Variants in PCNX3 observed in about 807,000 individuals in gnomAD.
The protein encoded by PCNX3 is pecanex-like protein 3.
Under a neutral mutation model 207.2 loss-of-function variants are expected in PCNX3, and 58 were observed. The ratio of observed to expected loss-of-function variants is 0.28; its 90% CI spans 0.23 to 0.35. The LOEUF (loss-of-function observed/expected upper bound fraction) is 0.35, where lower values mean the gene tolerates loss of function less well. Among genes scored for constraint, PCNX3 ranks in the 10% least tolerant of loss-of-function variants. The pLI is 1.00. For missense variants in PCNX3, 2,410 were observed against 2,774.4 expected, an observed-to-expected ratio of 0.87 and a Z score of 2.95; for synonymous variants, 1,337 against 1,183.5, an observed-to-expected ratio of 1.13 and a Z score of -2.66.
chr11:65,619,684 G>A (rs752962604), intron 7 of PCNX3, 24 bp downstream of exon 7: 9 of 1,582,900 alleles, frequency 5.7e-6, no homozygotes, highest in East Asian at 4.5e-5. Context: ...CAGCTGTGCC[G>A]AGGGGCACCG....
intron 15 of PCNX3, 96 bp downstream of exon 15, chr11:65,624,677 T>C (rs1023387625): frequency 8.5e-7 from 1 of 1,174,612 alleles, no homozygotes; most frequent in African/African-American, 1.5e-5. Flanking sequence ...CGGAACCTTC[T>C]CCTGCGTCTG....
Position 65,629,395 on chromosome 11 carries a change from C to G in PCNX3, c.3980C>G (p.Thr1327Arg). The G allele has an allele frequency of 6.2e-7, 1 of 1,612,236 alleles. No homozygotes were observed. The highest frequency in any genetic ancestry group is 1.1e-5 in the South Asian group (1 of 90,650). Reference sequence around the variant, plus strand: ...GATCATTCCAACACCCGCCTGGTCACACAGCTGGACAGGAACCCTGGTGTG... The same window carrying G: ...GATCATTCCAACACCCGCCTGGTCAGACAGCTGGACAGGAACCCTGGTGTG... The part of the protein sequence containing the change: ...RVDHSNTRLV[T>R]QLDRNPGADD... The change falls in exon 25 of 35, where the codon ACA (threonine) becomes AGA (arginine). Residue 1327 changes from threonine to arginine, a missense_variant. Physicochemically the swap from Thr to Arg is moderately conservative, Grantham distance 71. Coordinates refer to ENST00000355703, the MANE Select transcript of PCNX3 (RefSeq NM_032223.4).
chr11:65,618,703 C>G lies in PCNX3; in HGVS notation c.1341C>G (p.Ser447=), dbSNP rs974776542. The G allele has an allele frequency of 4.3e-6, 7 of 1,612,994 alleles. No individual in the cohort carries two copies. The East Asian group carries it at 1.3e-4, about 31-fold the overall frequency. The change falls in exon 6 of 35, where the codon TCC becomes TCG. Residue 447 remains serine (S), a synonymous_variant. Transcript: ENST00000355703. The part of the protein sequence containing the change: ...RSQRRYSTDS[S]SSTSCYSPES... ...AGCGCCGCTACAGTACTGACAGCTC[C>G]TCTTCTACTTCCTGCTACTCCCCTG...
intron 27 of PCNX3, among the ~76,000 whole-genome samples, chr11:65,633,577 G>C (rs1394484927): frequency 1.3e-5 from 2 of 152,232 alleles, no homozygotes; most frequent in Non-Finnish European, 2.9e-5. Context: ...ATGCTCCCGC[G>C]CTCGGGGTTA....
chr11:65,618,796 T>G lies in PCNX3; in HGVS notation c.1434T>G (p.Thr478=). 6.2e-7 allele frequency: 1 copy of G among 1,611,540 alleles called. No homozygotes were observed. The highest frequency in any genetic ancestry group is 8.5e-7 in the Non-Finnish European group (1 of 1,179,390). ...CCCCCCATGGGGCTGAGGAGGGAAC[T>G]GCTGTGCCCCCCAAGCGGCCATATG... ...RRAPHGAEEG[T]AVPPKRPYGT... The change falls in exon 6 of 35, where the codon ACT becomes ACG. Residue 478 remains threonine (T), a synonymous_variant. Transcript: ENST00000355703.
intron 26 of PCNX3, among the ~76,000 whole-genome samples, chr11:65,629,937 C>T (rs1233054690): frequency 6.6e-6 from 1 of 152,198 alleles, no homozygotes; most frequent in Non-Finnish European, 1.5e-5. Flanking sequence ...AAGCCCTGTG[C>T]CTGCCCCAAC....
rs769584609 is a variant in PCNX3, at chr11:65,636,580, G to C, written c.5783G>C (p.Ser1928Thr). ...CGGCCCCCTGGCCCGGGTCTCCTCAGTTCTGAGGGCCCCAGTGGAAAGTGG... is the reference window on the plus strand; with the variant it reads ...CGGCCCCCTGGCCCGGGTCTCCTCACTTCTGAGGGCCCCAGTGGAAAGTGG... ...TSRPPGPGLL[S>T]SEGPSGKWSL... is the part of the protein sequence containing the mutation. The change falls in exon 34 of 35, where the codon AGT becomes ACT. Residue 1928 changes from serine to threonine, a missense_variant. Ser to Thr is a moderately conservative substitution (Grantham distance 58). Coordinates refer to ENST00000355703, the MANE Select transcript of PCNX3 (RefSeq NM_032223.4). 1 of 1,595,580 alleles carries C rather than the reference G, an allele frequency of 6.3e-7. No homozygotes were observed. Among genetic ancestry groups the C allele is most frequent in the Non-Finnish European group, 8.5e-7 (1 of 1,172,948 alleles).
chr11:65,629,799 C>A, intron 26 of PCNX3, 64 bp downstream of exon 26: 1 of 1,504,930 alleles, frequency 6.6e-7, no homozygotes, highest in South Asian at 1.2e-5. Context: ...GAGCTGTGTT[C>A]AATAGCACGT....
rs569488128 is a variant in PCNX3 at position 65,635,286 on chromosome 11, G to A, written c.5022G>A (p.Glu1674=). The change falls in exon 31 of 35, where the codon GAG becomes GAA. Residue 1674 remains glutamate (E), a synonymous_variant. Coordinates refer to ENST00000355703, the MANE Select transcript of PCNX3 (RefSeq NM_032223.4). This position sits in a 1 kb window ranked among gnomAD's most constrained non-coding sequence, Gnocchi z 9.9. ...AALYDAIAAN[E]ERLVISHEGD... ...TATACGATGCCATTGCGGCCAACGAGGAGCGGCTGGTCATCTCACATGAGG... is the reference window on the plus strand; with the variant it reads ...TATACGATGCCATTGCGGCCAACGAAGAGCGGCTGGTCATCTCACATGAGG... 33 of 1,593,312 alleles carry A rather than the reference G, an allele frequency of 2.1e-5. No individual in the cohort carries two copies. In the African/African-American group the frequency reaches 4.0e-4, roughly 19 times the overall value.
chr11:65,619,333 T>G, intron 6 of PCNX3: 2 of 611,564 alleles, frequency 3.3e-6, no homozygotes, highest in Non-Finnish European at 4.1e-6. Flanking sequence ...CCACCACCAG[T>G]GGGGTGGGGC....
chr11:65,618,218 G>T lies in PCNX3; in HGVS notation c.856G>T (p.Gly286Cys), dbSNP rs1400026071. The T allele has an allele frequency of 6.2e-7, 1 of 1,602,794 alleles. No homozygotes were observed. The highest frequency in any genetic ancestry group is 8.5e-7 in the Non-Finnish European group (1 of 1,174,576). ...TGGCTATCAGCCCCTTGACCGGCGG[G>T]GCTCAGGGGAGCCCACGCCCCAGAA... ...AGGYQPLDRRGSGEPTPQKAG... is the reference protein window; with the variant it reads ...AGGYQPLDRRCSGEPTPQKAG... Residue 286 changes from glycine (G) to cysteine (C), a missense_variant, in exon 6 of 35, where the codon GGC becomes TGC. By Grantham distance (159) the Gly-to-Cys change is radical. Around this residue, in one of 8 missense-constraint regions of PCNX3, gnomAD observed 1,104 missense variants for 970.3 expected, o/e 1.14. Coordinates refer to ENST00000355703, the MANE Select transcript of PCNX3 (RefSeq NM_032223.4).
intron 29 of PCNX3, 99 bp downstream of exon 29, chr11:65,634,740 C>A: frequency 7.9e-7 from 1 of 1,268,128 alleles, no homozygotes; most frequent in Non-Finnish European, 1.1e-6. Context: ...ACAGAAACTG[C>A]AGTGGCCCTT....
At chr11:65,620,136 C>T (rs1264056409) in intron 8 of PCNX3, among the ~76,000 whole-genome samples, 1 of 152,250 alleles carries the variant, frequency 6.6e-6, no homozygotes, top group Non-Finnish European at 1.5e-5. Flanking sequence ...GCTTACAGTA[C>T]AGGGGAGATC....
chr11:65,618,132 C>T lies in PCNX3; in HGVS notation c.770C>T (p.Thr257Ile). ...CTGAGCAAGAGCTTCCTGACCCTGA[C>T]CCAGCCTGACCGGGCCCTGGTGAGG... ...QELSKSFLTL[T>I]QPDRALVRTS... Residue 257 changes from threonine to isoleucine, a missense_variant, in exon 6 of 35, where the codon ACC becomes ATC. Physicochemically the swap from Thr to Ile is moderately conservative, Grantham distance 89 (BLOSUM62 -1). Coordinates refer to ENST00000355703, the MANE Select transcript of PCNX3 (RefSeq NM_032223.4). 1 of 1,610,634 alleles carries T rather than the reference C, an allele frequency of 6.2e-7. No homozygotes were observed.
At position 65,636,811 on chromosome 11, in the gene PCNX3, G is replaced by A. The variant is rs1462163601; in HGVS notation, c.5938G>A (p.Asp1980Asn). The A allele has an allele frequency of 3.1e-5, 47 of 1,533,960 alleles. No homozygotes were observed. The highest frequency in any genetic ancestry group is 4.1e-5 in the Non-Finnish European group (47 of 1,140,804). Residue 1980 changes from aspartate to asparagine, a missense_variant, in exon 35 of 35, where the codon GAT becomes AAT. Physicochemically the swap from Asp to Asn is conservative, Grantham distance 23 (BLOSUM62 1). Around this residue, in one of 8 missense-constraint regions of PCNX3, gnomAD observed 278 missense variants for 245.1 expected, o/e 1.13. Transcript: ENST00000355703. ...CAGCCTCAGCCTCAGCCTCAGCCCC[G>A]ATGTCAGCACTGAGGCCTCACCCCC... Reference protein sequence around the residue: ...SLSLSLSLSPDVSTEASPPRA... With the variant: ...SLSLSLSLSPNVSTEASPPRA...
chr11:65,625,269 C>T lies in PCNX3; in HGVS notation c.3018C>T (p.Pro1006=). The T allele has an allele frequency of 6.2e-7, 1 of 1,608,688 alleles. No individual in the cohort carries two copies. Residue 1006 remains proline (P), a synonymous_variant, in exon 17 of 35, where the codon CCC becomes CCT. Coordinates refer to ENST00000355703, the MANE Select transcript of PCNX3 (RefSeq NM_032223.4). This position sits in a 1 kb window ranked among gnomAD's most constrained non-coding sequence, Gnocchi z 5.6. ...SYHLSRQSSD[P]TVLWSLIRSK... ...ACCTGAGCCGGCAGAGCAGCGACCC[C>T]ACCGTGCTCTGGTGGGTGTGCTCCG...
chr11:65,618,952 G>A lies in PCNX3; in HGVS notation c.1590G>A (p.Gly530=), dbSNP rs1486418159. 6.2e-7 allele frequency: 1 copy of A among 1,604,836 alleles called. No individual in the cohort carries two copies. Among genetic ancestry groups the A allele is most frequent in the South Asian group, 1.1e-5 (1 of 90,144 alleles). ...GCKAELEAQV[G]VEQAASEPVV... is the part of the protein sequence containing the mutation. ...AGGCAGAGCTGGAGGCCCAGGTTGG[G>A]GTGGAGCAGGCTGCTAGTGAGCCTG... Residue 530 remains glycine, a synonymous_variant, in exon 6 of 35, where the codon GGG becomes GGA. Transcript: ENST00000355703.
At position 65,637,104 on chromosome 11, in the gene PCNX3, T is replaced by C; in HGVS notation, c.*126T>C. On this transcript the variant is annotated 3_prime_UTR_variant, in exon 35 of 35. Coordinates refer to ENST00000355703, the MANE Select transcript of PCNX3 (RefSeq NM_032223.4). ...TCTGAACCCTGACCTTTGGCTGCCT[T>C]GGCCAGAGTACCAAAACTGAGTGAC... is the stretch of plus-strand genomic sequence containing the variant. The C allele has an allele frequency of 9.2e-7, 1 of 1,091,026 alleles. No individual in the cohort carries two copies. Among genetic ancestry groups the C allele is most frequent in the South Asian group, 1.5e-5 (1 of 66,186 alleles). The allele number at this position is 1,091,026 out of a possible 1,614,324, so 67.6% of individuals were successfully genotyped here.
chr11:65,616,164 C>T lies in PCNX3; in HGVS notation c.-148C>T. 2 of 515,812 alleles carry T rather than the reference C, an allele frequency of 3.9e-6. No individual in the cohort carries two copies. The highest frequency in any genetic ancestry group is 6.0e-6 in the Non-Finnish European group (2 of 331,510). 32.0% of individuals were successfully genotyped at this position (515,812 alleles called of 1,614,324 possible). On this transcript the variant is annotated 5_prime_UTR_variant, in exon 1 of 35. Coordinates refer to ENST00000355703, the MANE Select transcript of PCNX3 (RefSeq NM_032223.4). ...CCCGCCCCCTGCTCGCACCCTCGCG[C>T]GGCCGAGCCCCCCTCCCCCGCTGGG...
Sources: allele counts gnomAD v4.1 joint callset (sites outside exome capture counted in the v4.1 genomes callset), GRCh38; gene constraint gnomAD v4.1.1; regional missense constraint gnomAD v4.1.1; non-coding constraint Gnocchi (gnomAD v3.1); transcripts MANE v1.5; gene names NCBI Gene and HGNC (gene_info 2026-07-23, HGNC 2026-07-21).